Variants in DCBLD2 observed in about 807,000 individuals in gnomAD.
DCBLD2 encodes the protein discoidin, CUB and LCCL domain containing 2, also known as discoidin, CUB and LCCL domain-containing protein 2.
In DCBLD2, 54 loss-of-function variants were observed where a neutral mutation model predicts 86.8. The ratio of observed to expected loss-of-function variants is 0.62; its 90% confidence interval spans 0.50 to 0.78. The LOEUF is 0.78. Ranked by LOEUF, DCBLD2 falls within the 30% of genes least tolerant of loss-of-function variation. The probability of loss-of-function intolerance (pLI) is 0.00; values close to 1 mark genes in which losing one functional copy is unlikely to be tolerated. For synonymous variants in DCBLD2, 354 were observed against 341.3 expected (o/e 1.04, Z -0.41); for missense variants, 908 against 954.2 (o/e 0.95, Z 0.64).
chr3:98,881,855 CACG>C (rs1365239435), intron 1 of DCBLD2, 88 bp from the exon 2 acceptor site: 30 of 1,282,196 alleles, frequency 2.3e-5, no homozygotes, highest in African/African-American at 1.3e-4. Flanking sequence ...TAAAAATATG[CACG>C]ACATCAAATA....
intron 3 of DCBLD2, among the ~76,000 whole-genome samples, chr3:98,829,907 A>AT (rs1291839712): frequency 6.6e-6 from 1 of 151,902 alleles, no homozygotes; most frequent in African/African-American, 2.4e-5. Context: ...TTAGCATGTT[A>AT]TTTTTTTACT....
At chr3:98,857,397 C>A (rs762522264) in intron 2 of DCBLD2, among the ~76,000 whole-genome samples, 7 of 152,226 alleles carry the variant, frequency 4.6e-5, no homozygotes, top group Non-Finnish European at 7.3e-5. Context: ...CTGGCTCCGG[C>A]AGCCTGCTTT....
chr3:98,855,619 A>G (rs1942919479), intron 2 of DCBLD2, among the ~76,000 whole-genome samples: 1 of 152,232 alleles, frequency 6.6e-6, no homozygotes, highest in African/African-American at 2.4e-5. Context: ...CTGTAAGCAT[A>G]GTTCCCTCCT....
intron 3 of DCBLD2, among the ~76,000 whole-genome samples, chr3:98,825,588 C>T (rs1330463922): frequency 1.4e-5 from 2 of 145,344 alleles, no homozygotes; most frequent in Admixed American, 1.4e-4. Flanking sequence ...ATACTGTTTA[C>T]TACATCACCT....
At chr3:98,843,525 T>C (rs1942658166) in intron 3 of DCBLD2, among the ~76,000 whole-genome samples, 1 of 152,178 alleles carries the variant, frequency 6.6e-6, no homozygotes, top group Non-Finnish European at 1.5e-5. Flanking sequence ...TACAGAAATT[T>C]GGACTCTGCT....
At chr3:98,836,653 A>G (rs1270682468) in intron 3 of DCBLD2, among the ~76,000 whole-genome samples, 2 of 119,912 alleles carry the variant, frequency 1.7e-5, no homozygotes, top group Non-Finnish European at 3.7e-5. Context: ...GGGGCTCCTC[A>G]CTTCCCAGTA....
At chr3:98,812,771 A>C in intron 9 of DCBLD2, 1 of 223,476 alleles carries the variant, frequency 4.5e-6, no homozygotes, top group Non-Finnish European at 8.8e-6. Flanking sequence ...AAGGTTTCAA[A>C]TCCAGTGAGA....
rs1291018135 is a variant in DCBLD2, at chr3:98,796,557, G to A, written c.*2815C>T. On this transcript the variant is annotated 3_prime_UTR_variant, in exon 16 of 16. Transcript: ENST00000326840. ...CTCTGCTCCCCTCTTCTGGAGATGG[G>A]GAGAGGCAAGTGTGTATGTGTTGTC... The A allele has an allele frequency of 6.6e-6, 1 of 152,566 alleles. No homozygotes were observed. Among genetic ancestry groups the A allele is most frequent in the Non-Finnish European group, 1.5e-5 (1 of 68,030 alleles). The allele number at this position is 152,566 out of a possible 1,614,324, so 9.5% of individuals were successfully genotyped here.
chr3:98,799,890 T>A (rs752270133), intron 15 of DCBLD2, 49 bp from the exon 16 acceptor site: 13 of 1,473,564 alleles, frequency 8.8e-6, no homozygotes, highest in Non-Finnish European at 1.2e-5. Context: ...AGTAAAGAGA[T>A]TGCATAATTT....
In DCBLD2 at chr3:98,901,364, C is replaced by G; in HGVS notation, c.-38G>C. 7.8e-7 allele frequency: 1 copy of G among 1,286,772 alleles called. No homozygotes were observed. The highest frequency in any genetic ancestry group is 9.8e-7 in the Non-Finnish European group (1 of 1,024,146). 79.7% of individuals were successfully genotyped at this position (1,286,772 alleles called of 1,614,324 possible). A position where few individuals can be genotyped will look rare whatever the true frequency, so the allele number is the denominator to read the frequency against. On this transcript the variant is annotated 5_prime_UTR_variant, in exon 1 of 16. Coordinates refer to ENST00000326840, the MANE Select transcript of DCBLD2 (RefSeq NM_080927.4). ...CAGTCTGCCTGCATAGTGCGGGTGC[C>G]TCGGCAGCCCCGCGCGCCTCTGGCC...
rs969029639 is a variant in DCBLD2, at chr3:98,900,980, C to A, written c.205+142G>T. ...GCAAGACCTTGCCTTTGCAACTCAA[C>A]CCCGTGAGTACCCAGCCAGGTCCGG... On this transcript the variant is annotated intron_variant, in intron 1 of 15. Transcript: ENST00000326840. The A allele has an allele frequency of 9.9e-6, 14 of 1,412,718 alleles. No individual in the cohort carries two copies. In the East Asian group the frequency reaches 2.1e-4, roughly 21 times the overall value. The allele number at this position is 1,412,718 out of a possible 1,614,324, so 87.5% of individuals were successfully genotyped here.
chr3:98,838,976 G>A (rs934143672), intron 3 of DCBLD2, among the ~76,000 whole-genome samples: 1 of 151,082 alleles, frequency 6.6e-6, no homozygotes, highest in African/African-American at 2.4e-5. Context: ...AGTGAGCCGA[G>A]ATGGCAGCAG....
intron 1 of DCBLD2, among the ~76,000 whole-genome samples, chr3:98,893,715 G>C (rs1333633638): frequency 1.3e-5 from 2 of 152,132 alleles, no homozygotes; most frequent in East Asian, 1.9e-4. Flanking sequence ...CATGTTTCCA[G>C]ATATAAAGTA....
chr3:98,886,809 C>CCCCT (rs1553734160), intron 1 of DCBLD2, among the ~76,000 whole-genome samples: 4 of 121,522 alleles, frequency 3.3e-5, no homozygotes, highest in East Asian at 2.7e-4. Context: ...AACCCCCCCC[C>CCCCT]TTTTTTTTTT....
intron 13 of DCBLD2, among the ~76,000 whole-genome samples, chr3:98,806,478 C>T (rs1941841596): frequency 6.6e-6 from 1 of 152,018 alleles, no homozygotes; most frequent in Non-Finnish European, 1.5e-5. Context: ...CCCTATTGTT[C>T]TCATACTAAT....
intron 2 of DCBLD2, 48 bp downstream of exon 2, chr3:98,881,492 T>A: frequency 1.3e-6 from 2 of 1,502,070 alleles, no homozygotes; most frequent in Non-Finnish European, 1.8e-6. Context: ...AAATACATCA[T>A]TGAGACAATG....
At chr3:98,888,074 A>G (rs1283975678) in intron 1 of DCBLD2, among the ~76,000 whole-genome samples, 1 of 152,022 alleles carries the variant, frequency 6.6e-6, no homozygotes, top group African/African-American at 2.4e-5. Flanking sequence ...AGTTGGAATC[A>G]CATAGTTGGT....
chr3:98,819,066 A>G lies in DCBLD2; in HGVS notation c.1087+136T>C, dbSNP rs147844736. ...CATAAAATGTGTCTCTAGTAATATT[A>G]ACATCAGTGAAGAAAATATAAAACC... On this transcript the variant is annotated intron_variant, in intron 8 of 15. Coordinates refer to ENST00000326840, the MANE Select transcript of DCBLD2 (RefSeq NM_080927.4). 1.4e-3 allele frequency: 1,178 copies of G among 864,960 alleles called. 9 individuals carry two copies. In the East Asian group the frequency reaches 0.017, roughly 12 times the overall value. 53.6% of individuals were successfully genotyped at this position (864,960 alleles called of 1,614,324 possible). A position where few individuals can be genotyped will look rare whatever the true frequency, so the allele number is the denominator to read the frequency against.
At chr3:98,878,227 T>A (rs1320492648) in intron 2 of DCBLD2, among the ~76,000 whole-genome samples, 1 of 152,164 alleles carries the variant, frequency 6.6e-6, no homozygotes, top group African/African-American at 2.4e-5. Context: ...GACATCACCT[T>A]AGCCAAAATA....
Sources: allele counts gnomAD v4.1 joint callset (sites outside exome capture counted in the v4.1 genomes callset), GRCh38; gene constraint gnomAD v4.1.1; transcripts MANE v1.5; gene names NCBI Gene and HGNC (gene_info 2026-07-23, HGNC 2026-07-21).